ITPR1: variants seen among roughly 807,000 people sequenced by gnomAD.
ITPR1 encodes inositol 1,4,5-trisphosphate receptor type 1.
Under a neutral mutation model 318.4 loss-of-function variants are expected in ITPR1, and 96 were observed. The ratio of observed to expected loss-of-function variants is 0.30; its 90% CI spans 0.26 to 0.36. The LOEUF (loss-of-function observed/expected upper bound fraction) is 0.36, where lower values mean the gene tolerates loss of function less well. ITPR1 is among the 10% of genes least tolerant of loss of function. The probability of loss-of-function intolerance (pLI) is 1.00; values close to 1 mark genes in which losing one functional copy is unlikely to be tolerated. For missense variants in ITPR1, 2,440 were observed against 3,460.2 expected (o/e 0.71, Z 7.40); for synonymous variants, 1,312 against 1,289.9 (o/e 1.02, Z -0.37).
intron 4 of ITPR1, among the ~76,000 whole-genome samples, chr3:4,554,307 TAC>T (rs1391319381): frequency 2.6e-5 from 4 of 152,202 alleles, no homozygotes; most frequent in Non-Finnish European, 5.9e-5. Flanking sequence ...CAGAAATGAG[TAC>T]AGTGTTTGGC....
rs2053501 is a variant in ITPR1, at chr3:4,768,918, C to T, written c.5979+154C>T. The stretch of plus-strand genomic sequence containing the variant: ...TTTTCCTTTTTCTTTTTTCTTTTTT[C>T]TTTTTTTTTGAGATGGAGTCTCGCT... On this transcript the variant is annotated intron_variant, in intron 46 of 61. Transcript: ENST00000649015. Among the ~76,000 whole-genome samples the T allele has an allele frequency of 0.24, 32,156 of 131,502 alleles. 4,292 individuals are homozygous for T. The highest frequency in any genetic ancestry group is 0.41 in the Middle Eastern group (115 of 278). 86.3% of individuals were successfully genotyped at this position (131,502 alleles called of 152,430 possible).
chr3:4,583,419 G>A (rs1420148582), intron 4 of ITPR1, among the ~76,000 whole-genome samples: 1 of 152,122 alleles, frequency 6.6e-6, no homozygotes, highest in Non-Finnish European at 1.5e-5. Flanking sequence ...ATGTTTAGCA[G>A]CTTCGTGGGT....
chr3:4,681,131 G>A (rs547865924), intron 25 of ITPR1, among the ~76,000 whole-genome samples: 1 of 152,250 alleles, frequency 6.6e-6, no homozygotes, highest in South Asian at 2.1e-4. Context: ...CCATGAGTGA[G>A]ATCATTGCTG....
intron 4 of ITPR1, among the ~76,000 whole-genome samples, chr3:4,541,313 T>A (rs897783554): frequency 1.3e-5 from 2 of 152,228 alleles, no homozygotes; most frequent in African/African-American, 2.4e-5. Context: ...TCACTTTTAA[T>A]TCTCTGAAAA....
At chr3:4,782,033 A>AT (rs1407981300) in intron 49 of ITPR1, among the ~76,000 whole-genome samples, 2 of 152,188 alleles carry the variant, frequency 1.3e-5, no homozygotes, top group Non-Finnish European at 2.9e-5. Context: ...TGAGCATTAA[A>AT]TTTTTTTGAA....
intron 19 of ITPR1, 83 bp from the exon 20 acceptor site, chr3:4,670,646 A>T (rs1242686497): frequency 9.8e-7 from 1 of 1,019,546 alleles, no homozygotes; most frequent in Non-Finnish European, 1.5e-6. Flanking sequence ...GTGTCTTTCC[A>T]TGTGTCTTTA....
In ITPR1 at chr3:4,837,688, C is replaced by T. The variant is rs145089444; in HGVS notation, c.8190+753C>T. Among the ~76,000 whole-genome samples the T allele has an allele frequency of 2.7e-4, 41 of 152,096 alleles. No homozygotes were observed. The East Asian group carries it at 6.8e-3, about 25-fold the overall frequency. On this transcript the variant is annotated intron_variant, in intron 61 of 61. Coordinates refer to ENST00000649015, the MANE Select transcript of ITPR1 (RefSeq NM_001378452.1). ...TGTAGGGGACATGTTTATACAAAAC[C>T]GTGCGTACTCTGTTTCTGCCCTTTT...
chr3:4,498,625 C>A (rs1042989980), intron 2 of ITPR1, among the ~76,000 whole-genome samples: 1 of 152,146 alleles, frequency 6.6e-6, no homozygotes, highest in Non-Finnish European at 1.5e-5. Flanking sequence ...GGATCACATA[C>A]CAGATGGGAA....
Position 4,826,204 on chromosome 3 carries a change from G to A in ITPR1, c.8028+7962G>A, listed in dbSNP as rs1205491464. 6.6e-6 allele frequency among the ~76,000 whole-genome samples: 1 copy of A among 152,260 alleles called. No individual in the cohort carries two copies. Among genetic ancestry groups the A allele is most frequent in the Non-Finnish European group, 1.5e-5 (1 of 68,052 alleles). On this transcript the variant is annotated intron_variant, in intron 60 of 61. Transcript: ENST00000649015. The surrounding 1 kb of genome is among the most constrained non-coding windows in gnomAD (Gnocchi z 4.2). ...GATGATGGGTTTGGGCTTTTATTCT[G>A]AATTCCAGTGAGGATGCTGGCAGGA...
intron 23 of ITPR1, 58 bp downstream of exon 23, chr3:4,675,306 G>A (rs2094162127): frequency 7.9e-7 from 1 of 1,262,800 alleles, no homozygotes; most frequent in African/African-American, 1.5e-5. Flanking sequence ...TTCCTGTTAT[G>A]CTCATGTCAT....
intron 57 of ITPR1, 27 bp downstream of exon 57, chr3:4,813,261 T>C (rs1262163142): frequency 7.9e-6 from 12 of 1,521,640 alleles, no homozygotes; most frequent in South Asian, 1.2e-5. Flanking sequence ...GTAAGCCCCA[T>C]GTTAATATCG....
At chr3:4,725,513 A>G (rs779514521) in intron 40 of ITPR1, 33 bp from the exon 41 acceptor site, 3 of 1,588,208 alleles carry the variant, frequency 1.9e-6, no homozygotes, top group South Asian at 1.1e-5. Context: ...TGCAAGTGCC[A>G]TGACTAACGT....
At chr3:4,742,962 C>T (rs1396188119) in intron 44 of ITPR1, among the ~76,000 whole-genome samples, 1 of 152,180 alleles carries the variant, frequency 6.6e-6, no homozygotes, top group Non-Finnish European at 1.5e-5. Context: ...GATTTTAGAA[C>T]TCCAGGACAT....
At chr3:4,688,374 A>G (rs1158910989) in intron 30 of ITPR1, 121 bp from the exon 31 acceptor site, 1 of 1,165,958 alleles carries the variant, frequency 8.6e-7, no homozygotes, top group Non-Finnish European at 1.2e-6. Flanking sequence ...CTCAATATTT[A>G]CCCACAACAG....
chr3:4,544,079 A>G (rs536763414), intron 4 of ITPR1, among the ~76,000 whole-genome samples: 1 of 152,060 alleles, frequency 6.6e-6, no homozygotes, highest in African/African-American at 2.4e-5. Context: ...ACTTATCTTC[A>G]TGCTCCTAGC....
At chr3:4,609,051 A>AATATGTATATATATATATATATAT (rs1387747146) in intron 4 of ITPR1, among the ~76,000 whole-genome samples, 3 of 46,542 alleles carry the variant, frequency 6.4e-5, no homozygotes, top group Non-Finnish European at 1.4e-4. Flanking sequence ...ACAACAACGA[A>AATATGTATATATATATATATATAT]ATATATATAT....
chr3:4,772,544 C>G (rs570900124), intron 46 of ITPR1, among the ~76,000 whole-genome samples: 1 of 152,376 alleles, frequency 6.6e-6, no homozygotes, highest in South Asian at 2.1e-4. Context: ...CCCTGAGAAG[C>G]TGGCTTTGCT....
At position 4,818,113 on chromosome 3, in the gene ITPR1, T is replaced by C; in HGVS notation, c.7899T>C (p.Thr2633=). ...AAAGAGACAAGTTTGACAACAAGAC[T>C]GTCACCTTTGAAGAGCACATCAAGG... ...GLERDKFDNK[T]VTFEEHIKEE... Residue 2633 remains threonine, a synonymous_variant, in exon 60 of 62, where the codon ACT becomes ACC. Transcript: ENST00000649015. 1.2e-6 allele frequency: 2 copies of C among 1,605,580 alleles called. No individual in the cohort carries two copies. The highest frequency in any genetic ancestry group is 1.7e-6 in the Non-Finnish European group (2 of 1,173,584).
chr3:4,589,747 A>G (rs2090225632), intron 4 of ITPR1, among the ~76,000 whole-genome samples: 1 of 148,752 alleles, frequency 6.7e-6, no homozygotes, highest in Non-Finnish European at 1.5e-5. Flanking sequence ...CTGCTCATTA[A>G]GATTACCCAG....
Sources: gnomAD v4.1 joint callset for allele counts (sites outside exome capture counted in the v4.1 genomes callset) on GRCh38, gnomAD v4.1.1 for gene constraint, Gnocchi (gnomAD v3.1) non-coding constraint, MANE v1.5 for transcripts, NCBI Gene and HGNC (gene_info 2026-07-23, HGNC 2026-07-21) for gene names.